Variants in PTPRG observed in about 807,000 individuals in gnomAD.
PTPRG encodes the protein receptor-type tyrosine-protein phosphatase gamma.
Under a neutral mutation model 165.3 loss-of-function variants are expected in PTPRG, and 102 were observed. The ratio of observed to expected loss-of-function variants is 0.62; its 90% CI spans 0.53 to 0.73. PTPRG has a LOEUF of 0.73. PTPRG is among the 30% of genes least tolerant of loss of function. The pLI, the probability that PTPRG is intolerant of heterozygous loss-of-function variation, is 0.00. For synonymous variants in PTPRG, 675 were observed against 669.5 expected, an observed-to-expected ratio of 1.01 and a Z score of -0.13; for missense variants, 1,866 against 1,861.4, an observed-to-expected ratio of 1.00 and a Z score of -0.05.
intron 6 of PTPRG, among the ~76,000 whole-genome samples, chr3:62,138,314 T>C (rs1703793388): frequency 6.6e-6 from 1 of 152,216 alleles, no homozygotes; most frequent in Non-Finnish European, 1.5e-5. Flanking sequence ...CCATATTTAT[T>C]GAAGAATGCA....
chr3:62,285,282 C>G (rs184670931), intron 28 of PTPRG, among the ~76,000 whole-genome samples: 53 of 152,008 alleles, frequency 3.5e-4, no homozygotes, highest in Non-Finnish European at 3.2e-4. Flanking sequence ...CAAATTGTCC[C>G]CAGAAAGCCT....
intron 1 of PTPRG, among the ~76,000 whole-genome samples, chr3:61,577,182 A>T (rs1316974521): frequency 6.6e-6 from 1 of 152,198 alleles, no homozygotes. Context: ...TATTTTTGAT[A>T]AGGAAATTGA....
chr3:61,772,136 C>T (rs1026968787), intron 2 of PTPRG, among the ~76,000 whole-genome samples: 1 of 150,900 alleles, frequency 6.6e-6, no homozygotes, highest in Non-Finnish European at 1.5e-5. Context: ...TCCTTCTTTG[C>T]CAATTCCCAT....
At chr3:61,737,825 C>CTTACTCATTTCTAAG (rs1244338932) in intron 1 of PTPRG, among the ~76,000 whole-genome samples, 1 of 151,658 alleles carries the variant, frequency 6.6e-6, no homozygotes, top group Non-Finnish European at 1.5e-5. Flanking sequence ...TATTGTGAAG[C>CTTACTCATTTCTAAG]TTACTCATTT....
rs532356516 is a variant in PTPRG, at chr3:61,866,582, C to CTTT, written c.190+117634_190+117636dup. 4.9e-3 allele frequency among the ~76,000 whole-genome samples: 338 copies of CTTT among 69,084 alleles called. 104 individuals are homozygous for CTTT. The highest frequency in any genetic ancestry group is 0.019 in the Middle Eastern group (2 of 104). The allele number at this position is 69,084 out of a possible 152,430, so 45.3% of individuals were successfully genotyped here. A position where few individuals can be genotyped will look rare whatever the true frequency, so the allele number is the denominator to read the frequency against. On this transcript the variant is annotated intron_variant, in intron 2 of 29. Coordinates refer to ENST00000474889, the MANE Select transcript of PTPRG (RefSeq NM_002841.4). ...TTCCCTGGCTTTGGAACTGTTTGCT[C>CTTT]TTTTTTTTTTTTTTTTTTTTTTTTT...
Position 61,574,816 on chromosome 3 carries a change from A to G in PTPRG, c.85+12444A>G, listed in dbSNP as rs1700139125. Among the ~76,000 whole-genome samples, 2 of 152,170 alleles carry G rather than the reference A, an allele frequency of 1.3e-5. 1 individual carries two copies. The highest frequency in any genetic ancestry group is 1.3e-4 in the Admixed American group (2 of 15,282). ...GTGGAGAAGGTGGAAGGGGAAGTGG[A>G]CATGTGCAAAGAGAGGCAAAACCCA... On this transcript the variant is annotated intron_variant, in intron 1 of 29. Coordinates refer to ENST00000474889, the MANE Select transcript of PTPRG (RefSeq NM_002841.4).
At chr3:62,152,648 C>T (rs913844148) in intron 6 of PTPRG, among the ~76,000 whole-genome samples, 1 of 152,148 alleles carries the variant, frequency 6.6e-6, no homozygotes, top group Non-Finnish European at 1.5e-5. Context: ...TCACTGCAAA[C>T]TGCTCTTCGA....
rs146630732 is a variant in PTPRG at position 61,841,219 on chromosome 3, A to G, written c.190+92237A>G. ...AAAATGTTAAAGAGATGTTTTATAT[A>G]TACTTGACACAGTCATATTATAGTG... is the stretch of plus-strand genomic sequence containing the variant. On this transcript the variant is annotated intron_variant, in intron 2 of 29. Transcript: ENST00000474889. Among the ~76,000 whole-genome samples, 413 of 152,348 alleles carry G rather than the reference A, an allele frequency of 2.7e-3. 2 individuals carry two copies. The highest frequency in any genetic ancestry group is 9.2e-3 in the African/African-American group (383 of 41,584).
At chr3:61,839,558 A>T (rs953361476) in intron 2 of PTPRG, among the ~76,000 whole-genome samples, 5 of 152,178 alleles carry the variant, frequency 3.3e-5, no homozygotes, top group African/African-American at 1.2e-4. Flanking sequence ...CAGAGTTGGG[A>T]CTTGAACTGA....
intron 8 of PTPRG, among the ~76,000 whole-genome samples, chr3:62,186,566 C>A (rs1425889461): frequency 1.0e-5 from 1 of 99,608 alleles, no homozygotes; most frequent in Non-Finnish European, 2.0e-5. Context: ...TTTTTCTTTT[C>A]CTTTTTTTTT....
At chr3:61,575,525 A>C (rs72888660) in intron 1 of PTPRG, among the ~76,000 whole-genome samples, 1 of 151,834 alleles carries the variant, frequency 6.6e-6, no homozygotes, top group East Asian at 1.9e-4. Flanking sequence ...GAGAATTTCA[A>C]CCTTCTTGAG....
At chr3:61,997,498 C>T (rs1457606149) in intron 3 of PTPRG, among the ~76,000 whole-genome samples, 1 of 152,158 alleles carries the variant, frequency 6.6e-6, no homozygotes, top group East Asian at 1.9e-4. Context: ...GCCATTGATT[C>T]TTTCTTGATG....
Position 61,761,114 on chromosome 3 carries a change from C to A in PTPRG, c.190+12132C>A, listed in dbSNP as rs1388953686. On this transcript the variant is annotated intron_variant, in intron 2 of 29. Transcript: ENST00000474889. ...GATTTATATTCCTTTGGGTGTATAC[C>A]CATTAATGGGATTGCTGGGTCTAAT... 4.6e-5 allele frequency among the ~76,000 whole-genome samples: 7 copies of A among 152,076 alleles called. No individual in the cohort carries two copies. In the East Asian group the frequency reaches 1.3e-3, roughly 29 times the overall value.
intron 2 of PTPRG, among the ~76,000 whole-genome samples, chr3:61,816,485 T>C (rs147584640): frequency 6.6e-6 from 1 of 152,240 alleles, no homozygotes; most frequent in Non-Finnish European, 1.5e-5. Context: ...TGAGCCAGGA[T>C]TGCGCCACTG....
intron 7 of PTPRG, among the ~76,000 whole-genome samples, 161 bp downstream of exon 7, chr3:62,157,385 A>C (rs1704577834): frequency 6.6e-6 from 1 of 152,216 alleles, no homozygotes; most frequent in Non-Finnish European, 1.5e-5. Flanking sequence ...GAACCCAAGA[A>C]CTGCAAGCGA....
chr3:61,611,513 A>G (rs1701168888), intron 1 of PTPRG, among the ~76,000 whole-genome samples: 3 of 152,164 alleles, frequency 2.0e-5, no homozygotes, highest in Admixed American at 2.0e-4. Flanking sequence ...TTTTTGGAGA[A>G]GGGAGCCTGT....
chr3:61,929,712 G>T (rs1184361121), intron 2 of PTPRG, among the ~76,000 whole-genome samples: 1 of 152,230 alleles, frequency 6.6e-6, no homozygotes, highest in African/African-American at 2.4e-5. Context: ...TTCAGAGTCG[G>T]TGTAGATGTC....
At chr3:61,785,832 G>GA (rs1263631039) in intron 2 of PTPRG, among the ~76,000 whole-genome samples, 1 of 152,112 alleles carries the variant, frequency 6.6e-6, no homozygotes. Context: ...ATACACTAAT[G>GA]AACAGCCTGC....
chr3:61,663,172 ATAAAAT>A (rs1240361515), intron 1 of PTPRG, among the ~76,000 whole-genome samples: 3 of 152,182 alleles, frequency 2.0e-5, no homozygotes, highest in Admixed American at 6.5e-5. Context: ...TAAATAAAAA[ATAAAAT>A]TAAAAATAAA....
Sources: gnomAD v4.1 joint callset for allele counts (sites outside exome capture counted in the v4.1 genomes callset) on GRCh38, gnomAD v4.1.1 for gene constraint, MANE v1.5 for transcripts, NCBI Gene and HGNC (gene_info 2026-07-23, HGNC 2026-07-21) for gene names.